The following PTPRM variants were observed in gnomAD, a reference collection of about 807,000 sequenced individuals.
The protein encoded by PTPRM is receptor-type tyrosine-protein phosphatase mu.
A neutral mutation model predicts 186.7 loss-of-function variants in PTPRM; 47 were observed. That is an observed-to-expected ratio of 0.25 (90% confidence interval 0.20 to 0.32). PTPRM has a LOEUF of 0.32. PTPRM is among the 10% of genes least tolerant of loss of function. PTPRM has a pLI of 1.00. For synonymous variants in PTPRM, 668 were observed against 674.9 expected (o/e 0.99, Z 0.16); for missense variants, 1,494 against 1,865.0 (o/e 0.80, Z 3.66).
intron 22 of PTPRM, among the ~76,000 whole-genome samples, chr18:8,329,164 A>T (rs768749710): frequency 6.6e-6 from 1 of 152,266 alleles, no homozygotes; most frequent in Non-Finnish European, 1.5e-5. Flanking sequence ...AAGAGTATTT[A>T]GAGGGGTTCC....
intron 2 of PTPRM, among the ~76,000 whole-genome samples, chr18:7,792,706 G>A (rs1486981348): frequency 2.0e-5 from 3 of 151,918 alleles, no homozygotes; most frequent in Non-Finnish European, 4.4e-5. Flanking sequence ...TCATTCTGTC[G>A]CCAGCTGGAG....
chr18:7,743,180 A>T (rs1234022625), intron 1 of PTPRM, among the ~76,000 whole-genome samples: 1 of 152,190 alleles, frequency 6.6e-6, no homozygotes. Flanking sequence ...TACTGCCTGT[A>T]TGGCCGCTGA....
chr18:8,288,775 C>T (rs542162980), intron 19 of PTPRM, among the ~76,000 whole-genome samples: 1 of 152,306 alleles, frequency 6.6e-6, no homozygotes, highest in African/African-American at 2.4e-5. Context: ...CTGACTACCA[C>T]AGTGCTTCTG....
chr18:7,825,521 G>T (rs2045439028), intron 2 of PTPRM, among the ~76,000 whole-genome samples: 1 of 152,038 alleles, frequency 6.6e-6, no homozygotes, highest in African/African-American at 2.4e-5. Context: ...TGGAGGATAG[G>T]TATATAAAAG....
At chr18:8,209,864 T>C (rs1412427635) in intron 14 of PTPRM, among the ~76,000 whole-genome samples, 2 of 151,574 alleles carry the variant, frequency 1.3e-5, no homozygotes, top group Non-Finnish European at 2.9e-5. Flanking sequence ...GACAAATAAC[T>C]GATACATGTG....
chr18:8,385,973 A>G (rs1035749221), intron 30 of PTPRM, among the ~76,000 whole-genome samples: 17 of 152,116 alleles, frequency 1.1e-4, no homozygotes, highest in African/African-American at 3.9e-4. Flanking sequence ...AAGAGCCAGC[A>G]CAATCCTGGG....
At chr18:7,588,712 A>G (rs1041963299) in intron 1 of PTPRM, among the ~76,000 whole-genome samples, 2 of 152,192 alleles carry the variant, frequency 1.3e-5, no homozygotes, top group Non-Finnish European at 2.9e-5. Flanking sequence ...TGTGTTTAAT[A>G]TTTACCAGTG....
At chr18:7,925,149 C>A (rs898207807) in intron 4 of PTPRM, among the ~76,000 whole-genome samples, 1 of 152,058 alleles carries the variant, frequency 6.6e-6, no homozygotes, top group African/African-American at 2.4e-5. Context: ...AAGAGAAATT[C>A]ATTTAGGGAC....
intron 20 of PTPRM, among the ~76,000 whole-genome samples, chr18:8,297,531 G>A (rs2062064654): frequency 6.6e-6 from 1 of 152,146 alleles, no homozygotes; most frequent in Non-Finnish European, 1.5e-5. Context: ...GCTGCACTGT[G>A]TACTTGGAAT....
intron 28 of PTPRM, 135 bp from the exon 29 acceptor site, chr18:8,380,161 A>G (rs2095723450): frequency 2.3e-6 from 2 of 887,296 alleles, no homozygotes; most frequent in Non-Finnish European, 3.4e-6. Flanking sequence ...GGTGCTGACA[A>G]TGGTGACAGA....
chr18:8,228,497 A>G (rs1348219429), intron 14 of PTPRM, among the ~76,000 whole-genome samples: 1 of 152,116 alleles, frequency 6.6e-6, no homozygotes, highest in Admixed American at 6.6e-5. Context: ...GTTTTAAAAT[A>G]TGTGTATATG....
rs188865884 is a variant in PTPRM, at chr18:8,355,546, A to G, written c.3054+12026A>G. 8.0e-4 allele frequency among the ~76,000 whole-genome samples: 121 copies of G among 152,142 alleles called. 1 individual carries two copies. Among genetic ancestry groups the G allele is most frequent in the Admixed American group, 2.5e-3 (38 of 15,288 alleles). ...CATGAATGACAGAGAGCCCCAAAGG[A>G]TTTGGGTGTGGAAGTGACAAGGGGA... On this transcript the variant is annotated intron_variant, in intron 23 of 32. Coordinates refer to ENST00000580170, the MANE Select transcript of PTPRM (RefSeq NM_001105244.2).
intron 1 of PTPRM, among the ~76,000 whole-genome samples, chr18:7,657,971 A>C (rs902638319): frequency 1.3e-5 from 2 of 152,178 alleles, no homozygotes; most frequent in African/African-American, 4.8e-5. Context: ...ATGTTTCGAT[A>C]CATATATACA....
chr18:7,735,705 T>C (rs1368631212), intron 1 of PTPRM, among the ~76,000 whole-genome samples: 1 of 152,304 alleles, frequency 6.6e-6, no homozygotes, highest in Non-Finnish European at 1.5e-5. Flanking sequence ...AGAGATTAAC[T>C]AATAGTCTGG....
intron 1 of PTPRM, among the ~76,000 whole-genome samples, chr18:7,685,149 G>C (rs1337572235): frequency 1.3e-5 from 2 of 152,160 alleles, no homozygotes; most frequent in Admixed American, 6.5e-5. Flanking sequence ...GGGATCTGGG[G>C]TGGGTAAGTG....
chr18:7,782,316 G>A (rs78384011), intron 2 of PTPRM, among the ~76,000 whole-genome samples: 2,405 of 152,052 alleles, frequency 0.016, 42 homozygotes, highest in African/African-American at 0.049. Context: ...CCAAAGGCTG[G>A]GATTACGTTT....
At chr18:8,085,238 G>T (rs1398168590) in intron 9 of PTPRM, among the ~76,000 whole-genome samples, 5 of 151,974 alleles carry the variant, frequency 3.3e-5, no homozygotes, top group Middle Eastern at 6.3e-3. Flanking sequence ...AAACACTTCA[G>T]TGCCCTCGTT....
intron 14 of PTPRM, among the ~76,000 whole-genome samples, chr18:8,173,574 T>C (rs1016221026): frequency 6.6e-6 from 1 of 152,176 alleles, no homozygotes; most frequent in African/African-American, 2.4e-5. Context: ...AAGAGCACAA[T>C]TGACACGAGG....
chr18:8,377,506 C>T (rs1330763358), intron 26 of PTPRM: 2 of 152,012 alleles, frequency 1.3e-5, no homozygotes, highest in African/African-American at 2.4e-5. Context: ...CTTCCATTTT[C>T]AGGTGTTGTT....
Sources: gnomAD v4.1 joint callset for allele counts (sites outside exome capture counted in the v4.1 genomes callset) on GRCh38, gnomAD v4.1.1 for gene constraint, MANE v1.5 for transcripts, NCBI Gene and HGNC (gene_info 2026-07-23, HGNC 2026-07-21) for gene names.